SUPT3H: variants seen among roughly 807,000 people sequenced by gnomAD.
SUPT3H encodes SPT3 homolog, SAGA and STAGA complex component, also known as transcription initiation protein SPT3 homolog.
Under a neutral mutation model 44.3 loss-of-function variants are expected in SUPT3H, and 44 were observed. The observed-to-expected ratio is 0.99, with a 90% CI of 0.78 to 1.28. The LOEUF is 1.28. Among genes scored for constraint, SUPT3H ranks in the 50% most tolerant of loss-of-function variants. The pLI, the probability that SUPT3H is intolerant of heterozygous loss-of-function variation, is 0.00. For synonymous variants in SUPT3H, 124 were observed against 125.6 expected (o/e 0.99, Z 0.09); for missense variants, 380 against 387.1 (o/e 0.98, Z 0.15).
intron 11 of SUPT3H, among the ~76,000 whole-genome samples, chr6:44,821,288 C>T (rs1412948357): frequency 6.6e-6 from 1 of 152,106 alleles, no homozygotes; most frequent in African/African-American, 2.4e-5. Flanking sequence ...TCGTTGAGAC[C>T]CATTTAGCTT....
chr6:44,939,946 CTAGT>C (rs1310323706), intron 9 of SUPT3H, among the ~76,000 whole-genome samples: 1 of 151,762 alleles, frequency 6.6e-6, no homozygotes, highest in Non-Finnish European at 1.5e-5. Context: ...CTCTCTCTTC[CTAGT>C]TAGTCTTGCT....
chr6:45,002,518 T>A (rs2153505498), intron 6 of SUPT3H, among the ~76,000 whole-genome samples: 2 of 152,210 alleles, frequency 1.3e-5, no homozygotes, highest in African/African-American at 4.8e-5. Flanking sequence ...GCTCTTTGTG[T>A]AATGCATCAT....
chr6:45,327,218 C>T (rs1328738915), intron 2 of SUPT3H, among the ~76,000 whole-genome samples: 1 of 151,940 alleles, frequency 6.6e-6, no homozygotes, highest in Non-Finnish European at 1.5e-5. Context: ...TGTCTGTGGG[C>T]ATTATTCCTT....
intron 6 of SUPT3H, among the ~76,000 whole-genome samples, chr6:44,975,446 T>C (rs9472411): frequency 0.46 from 69,620 of 152,024 alleles, 16,415 homozygotes; most frequent in Admixed American, 0.55. Context: ...TGGATGGAGT[T>C]GGAGATCATT....
chr6:45,004,276 A>G (rs1018147489), intron 5 of SUPT3H, among the ~76,000 whole-genome samples: 2 of 152,108 alleles, frequency 1.3e-5, no homozygotes, highest in Non-Finnish European at 2.9e-5. Flanking sequence ...ATCTAGTAAT[A>G]AAAGGAATTT....
At chr6:45,037,826 A>G (rs1787914819) in intron 3 of SUPT3H, among the ~76,000 whole-genome samples, 1 of 150,972 alleles carries the variant, frequency 6.6e-6, no homozygotes, top group Non-Finnish European at 1.5e-5. Context: ...AATACTAAGG[A>G]GTAGTTATAT....
At chr6:45,248,167 T>C (rs1164567445) in intron 2 of SUPT3H, among the ~76,000 whole-genome samples, 1 of 152,108 alleles carries the variant, frequency 6.6e-6, no homozygotes, top group Non-Finnish European at 1.5e-5. Context: ...AAAATCTTTG[T>C]GACATTTGTT....
intron 2 of SUPT3H, among the ~76,000 whole-genome samples, chr6:45,340,408 T>C (rs1344343775): frequency 6.6e-6 from 1 of 152,074 alleles, no homozygotes; most frequent in Non-Finnish European, 1.5e-5. Context: ...ACTGCAACTT[T>C]GACCTCCTGA....
Position 45,183,419 on chromosome 6 carries a change from G to C in SUPT3H, c.102-77413C>G, listed in dbSNP as rs1813626989. Reference sequence around the variant, plus strand: ...TAATGTACATAAGTAACTGAGACTAGATAATTTATAATGAAAATATAAACA... The same window carrying C: ...TAATGTACATAAGTAACTGAGACTACATAATTTATAATGAAAATATAAACA... On this transcript the variant is annotated intron_variant, in intron 2 of 10. Transcript: ENST00000371459. Among the ~76,000 whole-genome samples the C allele has an allele frequency of 1.3e-5, 2 of 152,180 alleles. 1 individual carries two copies. Among genetic ancestry groups the C allele is most frequent in the Admixed American group, 1.3e-4 (2 of 15,272 alleles).
At chr6:44,824,981 A>G (rs9395049), downstream of SUPT3H, among the ~76,000 whole-genome samples, 79,773 of 152,074 alleles carry the variant, frequency 0.52, 21,208 homozygotes, top group East Asian at 0.7. Context: ...GGGCATTGCC[A>G]TATGTACTTT....
At chr6:45,105,827 C>T in intron 3 of SUPT3H, 95 bp downstream of exon 3, 2 of 953,466 alleles carry the variant, frequency 2.1e-6, no homozygotes, top group Non-Finnish European at 1.6e-6. Context: ...AAAAAGAATT[C>T]CAGCTGTAAA....
In SUPT3H at chr6:44,829,859, T is replaced by C. The variant is rs2153409082; in HGVS notation, c.913-2A>G. ...CATCCCATTCCTGCGGTAGGCATTC[T>C]GTCAAAGAAAAAGAAATCTGCAATG... is the stretch of plus-strand genomic sequence containing the variant. On this transcript the variant is annotated splice_acceptor_variant, in intron 10 of 10. Coordinates refer to ENST00000371459, the MANE Select transcript of SUPT3H (RefSeq NM_003599.4). LOFTEE classifies it high-confidence loss of function. 6.2e-7 allele frequency: 1 copy of C among 1,613,126 alleles called. No homozygotes were observed. The highest frequency in any genetic ancestry group is 8.5e-7 in the Non-Finnish European group (1 of 1,179,192).
chr6:44,924,263 C>T (rs879341151), intron 10 of SUPT3H, among the ~76,000 whole-genome samples: 7 of 151,950 alleles, frequency 4.6e-5, no homozygotes, highest in East Asian at 3.9e-4. Flanking sequence ...TTATTAAAAA[C>T]GGCTGTATTT....
intron 10 of SUPT3H, among the ~76,000 whole-genome samples, chr6:44,850,308 C>T (rs55773493): frequency 2.0e-5 from 3 of 152,166 alleles, no homozygotes; most frequent in Non-Finnish European, 4.4e-5. Flanking sequence ...TCCACTTCCC[C>T]CTAACCTTTT....
intron 2 of SUPT3H, among the ~76,000 whole-genome samples, chr6:45,261,984 C>A (rs889070492): frequency 3.3e-5 from 5 of 152,054 alleles, no homozygotes; most frequent in Admixed American, 3.3e-4. Context: ...ACAATACCCA[C>A]AAATAGCATC....
intron 2 of SUPT3H, among the ~76,000 whole-genome samples, chr6:45,108,941 A>G (rs1021313099): frequency 5.3e-5 from 8 of 152,164 alleles, no homozygotes; most frequent in Non-Finnish European, 1.0e-4. Flanking sequence ...AAATCAAGAA[A>G]CAAATTATTT....
intron 2 of SUPT3H, among the ~76,000 whole-genome samples, chr6:45,175,725 T>C (rs561683809): frequency 1.3e-5 from 2 of 152,020 alleles, no homozygotes; most frequent in African/African-American, 4.8e-5. Context: ...AAAAAAATGG[T>C]AATTTTTAGG....
intron 10 of SUPT3H, among the ~76,000 whole-genome samples, chr6:44,901,760 G>C (rs1282935849): frequency 1.3e-5 from 2 of 151,988 alleles, no homozygotes; most frequent in East Asian, 3.9e-4. Flanking sequence ...AAAATGTTAA[G>C]GGCAGCCAGA....
rs1459438983 is a variant in SUPT3H, at chr6:45,205,550, A to G, written c.102-99544T>C. Among the ~76,000 whole-genome samples the G allele has an allele frequency of 2.0e-5, 3 of 152,332 alleles. No individual in the cohort carries two copies. In the East Asian group the frequency reaches 5.8e-4, roughly 29 times the overall value. On this transcript the variant is annotated intron_variant, in intron 2 of 10. Transcript: ENST00000371459. The stretch of plus-strand genomic sequence containing the variant: ...TGGTGGCTCATGCTGTAATCTCAGC[A>G]CTTTGGGAGGCCGAGGATGGCGGAT...
Sources: gnomAD v4.1 joint callset for allele counts (sites outside exome capture counted in the v4.1 genomes callset) on GRCh38, gnomAD v4.1.1 for gene constraint, MANE v1.5 for transcripts, NCBI Gene and HGNC (gene_info 2026-07-23, HGNC 2026-07-21) for gene names.